WDR17: variants seen among roughly 807,000 people sequenced by gnomAD.
The protein encoded by WDR17 is WD repeat domain 17, also known as WD repeat-containing protein 17.
Under a neutral mutation model 161.7 loss-of-function variants are expected in WDR17, and 143 were observed. The observed-to-expected ratio is 0.88, with a 90% confidence interval of 0.77 to 1.02. The LOEUF is 1.02. Ranked by LOEUF, WDR17 falls within the 50% of genes least tolerant of loss-of-function variation. WDR17 has a pLI of 0.00. For synonymous variants in WDR17, 517 were observed against 515.6 expected (o/e 1.00, Z -0.04); for missense variants, 1,469 against 1,520.9 (o/e 0.97, Z 0.57).
At chr4:176,161,073 T>A in intron 20 of WDR17, 71 bp downstream of exon 20, 27 of 1,292,752 alleles carry the variant, frequency 2.1e-5, no homozygotes, top group Non-Finnish European at 2.9e-5. Context: ...TTGAAGTCTC[T>A]ATAATTCATC....
intron 1 of WDR17, among the ~76,000 whole-genome samples, chr4:176,106,705 G>A (rs1738784739): frequency 1.3e-5 from 2 of 152,198 alleles, no homozygotes; most frequent in South Asian, 4.1e-4. Context: ...TGTGATCTGG[G>A]CACTTTGGGA....
At chr4:176,093,414 G>T (rs779587234) in intron 1 of WDR17, among the ~76,000 whole-genome samples, 7 of 152,052 alleles carry the variant, frequency 4.6e-5, no homozygotes, top group Non-Finnish European at 8.8e-5. Flanking sequence ...AAATCACAGA[G>T]TACTTGTGTG....
At chr4:176,145,169 G>A (rs1270242671) in intron 11 of WDR17, among the ~76,000 whole-genome samples, 1 of 152,190 alleles carries the variant, frequency 6.6e-6, no homozygotes, top group Admixed American at 6.5e-5. Context: ...AGCATGTGGA[G>A]ACTGTTTATA....
chr4:176,150,959 C>T (rs1747017781), intron 16 of WDR17, among the ~76,000 whole-genome samples: 1 of 152,152 alleles, frequency 6.6e-6, no homozygotes, highest in Non-Finnish European at 1.5e-5. Flanking sequence ...CATATTATAG[C>T]TCTTAATGAA....
At chr4:176,177,676 A>C in intron 28 of WDR17, 22 bp downstream of exon 28, 1 of 1,560,180 alleles carries the variant, frequency 6.4e-7, no homozygotes, top group Non-Finnish European at 8.6e-7. Flanking sequence ...CATCAGACAT[A>C]ACATGTGTAT....
At chr4:176,099,949 G>C (rs1236433876) in intron 1 of WDR17, among the ~76,000 whole-genome samples, 1 of 152,118 alleles carries the variant, frequency 6.6e-6, no homozygotes, top group African/African-American at 2.4e-5. Context: ...ATTCCACTGT[G>C]TATATATACC....
In WDR17 at chr4:176,163,140, TCTTATTGAGCAAG is replaced by T; in HGVS notation, c.2851-10_2853del. 1 of 1,614,058 alleles carries T rather than the reference TCTTATTGAGCAAG, an allele frequency of 6.2e-7. No homozygotes were observed. Among genetic ancestry groups the T allele is most frequent in the Non-Finnish European group, 8.5e-7 (1 of 1,179,962 alleles). On this transcript the variant is annotated splice_acceptor_variant and splice_polypyrimidine_tract_variant and intron_variant, in intron 21 of 28. Coordinates refer to ENST00000508596, the MANE Select transcript of WDR17 (RefSeq NM_181265.4). LOFTEE classifies it high-confidence loss of function. ...TTCTATGCAACTGAAGAAATTATTT[TCTTATTGAGCAAG>T]CTTGCTATGGCATACCTGATTCGCG...
chr4:176,179,321 T>G, intron 28 of WDR17, 139 bp from the exon 29 acceptor site: 1 of 997,574 alleles, frequency 1.0e-6, no homozygotes, highest in Non-Finnish European at 1.3e-6. Context: ...AAACTAATTT[T>G]CTCATAGTCT....
intron 1 of WDR17, among the ~76,000 whole-genome samples, chr4:176,095,963 T>G (rs1019262789): frequency 1.3e-5 from 2 of 152,148 alleles, no homozygotes; most frequent in Admixed American, 6.6e-5. Flanking sequence ...TATTAAATGG[T>G]GTCTTTAAAC....
intron 2 of WDR17, 43 bp from the exon 3 acceptor site, chr4:176,115,753 A>T: frequency 6.9e-7 from 1 of 1,449,318 alleles, no homozygotes; most frequent in Non-Finnish European, 9.3e-7. Flanking sequence ...GTATTATCTT[A>T]AAAAGGAGCA....
chr4:176,173,303 T>C lies in WDR17; in HGVS notation c.3281T>C (p.Ile1094Thr). The change falls in exon 25 of 29, where the codon ATA becomes ACA. Residue 1094 changes from isoleucine (I) to threonine (T), a missense_variant. Physicochemically the swap from Ile to Thr is moderately conservative, Grantham distance 89. Transcript: ENST00000508596. ...ISSSDWTLDT[I>T]YPVLDLLSYI... ...AGCTCAGACTGGACTTTGGATACCA[T>C]ATACCCTGTTCTTGACCTACTGAGC... 2 of 1,613,390 alleles carry C rather than the reference T, an allele frequency of 1.2e-6. No homozygotes were observed. The highest frequency in any genetic ancestry group is 1.3e-5 in the African/African-American group (1 of 75,024).
chr4:176,147,752 T>A, intron 12 of WDR17, among the ~76,000 whole-genome samples: 1 of 151,504 alleles, frequency 6.6e-6, no homozygotes, highest in Non-Finnish European at 1.5e-5. Flanking sequence ...ACTTAAAGTA[T>A]AATAATAATT....
At chr4:176,072,261 A>G (rs1345417309) in intron 1 of WDR17, among the ~76,000 whole-genome samples, 2 of 152,230 alleles carry the variant, frequency 1.3e-5, no homozygotes, top group African/African-American at 4.8e-5. Flanking sequence ...CAGACAGTAG[A>G]AGATACCAGA....
At chr4:176,152,954 TA>T (rs1009881551) in intron 17 of WDR17, among the ~76,000 whole-genome samples, 3 of 151,724 alleles carry the variant, frequency 2.0e-5, no homozygotes, top group Non-Finnish European at 4.4e-5. Flanking sequence ...AAAGGAAGCT[TA>T]TTTTTTTACA....
At chr4:176,107,432 A>G (rs928566296) in intron 1 of WDR17, among the ~76,000 whole-genome samples, 1 of 148,544 alleles carries the variant, frequency 6.7e-6, no homozygotes, top group Non-Finnish European at 1.5e-5. Context: ...ACTTCTGCAT[A>G]TAAACCCTCC....
At chr4:176,159,412 C>CTCTA (rs1199046735) in intron 18 of WDR17, among the ~76,000 whole-genome samples, 1 of 152,028 alleles carries the variant, frequency 6.6e-6, no homozygotes, top group Non-Finnish European at 1.5e-5. Flanking sequence ...CCTTCACAAT[C>CTCTA]TCTAAGATTA....
Position 176,149,761 on chromosome 4 carries a change from T to G in WDR17, c.1898-46T>G, listed in dbSNP as rs752476173. 6 of 1,595,142 alleles carry G rather than the reference T, an allele frequency of 3.8e-6. No individual in the cohort carries two copies. In the Admixed American group the frequency reaches 1.1e-4, roughly 30 times the overall value. Reference sequence around the variant, plus strand: ...ATGAAGCACATATAAATAAAAAATATTTTTCAATGTTCACTTTACTTAAAA... The same window carrying G: ...ATGAAGCACATATAAATAAAAAATAGTTTTCAATGTTCACTTTACTTAAAA... On this transcript the variant is annotated intron_variant, in intron 13 of 28. Transcript: ENST00000508596.
At position 176,168,664 on chromosome 4, in the gene WDR17, G is replaced by A. The variant is rs371828424; in HGVS notation, c.2991-8G>A. The A allele has an allele frequency of 1.2e-5, 20 of 1,612,956 alleles. No homozygotes were observed. The highest frequency in any genetic ancestry group is 6.7e-5 in the African/African-American group (5 of 74,848). ...TCAATGAAGTGTCCCCTTTTGTTAC[G>A]TTAACAGGAATTTGGCAGCTGATCT... On this transcript the variant is annotated splice_region_variant and splice_polypyrimidine_tract_variant and intron_variant, in intron 22 of 28. Coordinates refer to ENST00000508596, the MANE Select transcript of WDR17 (RefSeq NM_181265.4).
intron 1 of WDR17, among the ~76,000 whole-genome samples, chr4:176,074,524 A>G (rs1317382253): frequency 1.3e-5 from 2 of 151,932 alleles, no homozygotes; most frequent in South Asian, 2.1e-4. Flanking sequence ...TGGCATGATC[A>G]TAGCTCACTG....
Sources: gnomAD v4.1 joint callset for allele counts (sites outside exome capture counted in the v4.1 genomes callset) on GRCh38, gnomAD v4.1.1 for gene constraint, MANE v1.5 for transcripts, NCBI Gene and HGNC (gene_info 2026-07-23, HGNC 2026-07-21) for gene names.